The following WWOX variants were observed in gnomAD, a reference collection of about 807,000 sequenced individuals.
The protein encoded by WWOX is WW domain-containing oxidoreductase.
WWOX carries 69 observed loss-of-function variants against 46.2 expected under a neutral mutation model. The observed-to-expected ratio is 1.49, with a 90% CI of 1.23 to 1.82. WWOX has a LOEUF of 1.82. Ranked by LOEUF, WWOX falls within the 40% of genes most tolerant of loss-of-function variation. The pLI, the probability that WWOX is intolerant of heterozygous loss-of-function variation, is 0.00. For synonymous variants in WWOX, 359 were observed against 202.6 expected (o/e 1.77, Z -6.56); for missense variants, 919 against 542.6 (o/e 1.69, Z -6.89).
chr16:78,322,328 C>G (rs1302743120), intron 5 of WWOX, among the ~76,000 whole-genome samples: 1 of 152,090 alleles, frequency 6.6e-6, no homozygotes, highest in African/African-American at 2.4e-5. Context: ...CTTTGACTCC[C>G]TTTGTAATGT....
In WWOX at chr16:79,211,687, G is replaced by A. The variant is rs1485008584; in HGVS notation, c.1136G>A (p.Cys379Tyr). Residue 379 changes from cysteine (C) to tyrosine (Y), a missense_variant, in exon 9 of 9, where the codon TGC (cysteine) becomes TAC (tyrosine). Cys to Tyr is a radical substitution (Grantham distance 194). Coordinates refer to ENST00000566780, the MANE Select transcript of WWOX (RefSeq NM_016373.4). ...CTGGGAGGGATGTACTTCAACAACTGCTGCCGCTGCATGCCCTCACCAGAA... is the reference window on the plus strand; with the variant it reads ...CTGGGAGGGATGTACTTCAACAACTACTGCCGCTGCATGCCCTCACCAGAA... The part of the protein sequence containing the change: ...EGLGGMYFNN[C>Y]CRCMPSPEAQ... 1 of 1,614,210 alleles carries A rather than the reference G, an allele frequency of 6.2e-7. No homozygotes were observed. Among genetic ancestry groups the A allele is most frequent in the Admixed American group, 1.7e-5 (1 of 60,032 alleles).
At chr16:78,496,101 A>G (rs966018564) in intron 8 of WWOX, 3 of 152,046 alleles carry the variant, frequency 2.0e-5, no homozygotes, top group African/African-American at 4.8e-5. Context: ...ACCTGGTACT[A>G]TTTGGCTTTA....
At chr16:78,721,936 C>G (rs1232537832) in intron 8 of WWOX, among the ~76,000 whole-genome samples, 2 of 152,232 alleles carry the variant, frequency 1.3e-5, no homozygotes, top group East Asian at 1.9e-4. Context: ...GTAAATGTGA[C>G]TTTCCTTTGC....
intron 8 of WWOX, among the ~76,000 whole-genome samples, chr16:78,595,596 T>C (rs1186593836): frequency 1.3e-5 from 2 of 152,194 alleles, no homozygotes; most frequent in African/African-American, 2.4e-5. Flanking sequence ...GTCCTTAAGA[T>C]AGGGCAGGCA....
In WWOX at chr16:78,099,745, G is replaced by T. The variant is rs544250661; in HGVS notation, c.-34G>T. On this transcript the variant is annotated 5_prime_UTR_variant, in exon 1 of 9. Coordinates refer to ENST00000566780, the MANE Select transcript of WWOX (RefSeq NM_016373.4). ...CCTGAGCGAGTGGACCCGGCAGCGG[G>T]CGATAGGGGGGCCAGGTGCCTCCAC... 5.3e-6 allele frequency: 8 copies of T among 1,520,644 alleles called. No individual in the cohort carries two copies. In the East Asian group the frequency reaches 2.0e-4, roughly 39 times the overall value. The allele number at this position is 1,520,644 out of a possible 1,614,324, so 94.2% of individuals were successfully genotyped here.
chr16:78,416,689 A>C (rs780968726), intron 6 of WWOX, among the ~76,000 whole-genome samples: 1 of 152,152 alleles, frequency 6.6e-6, no homozygotes, highest in Non-Finnish European at 1.5e-5. Flanking sequence ...TAAAATTCCC[A>C]ATGTCCAGGC....
At chr16:78,176,639 C>T (rs902204207) in intron 5 of WWOX, among the ~76,000 whole-genome samples, 3 of 152,128 alleles carry the variant, frequency 2.0e-5, no homozygotes, top group African/African-American at 7.2e-5. Flanking sequence ...TTTGACAGCC[C>T]TTCAGATTTA....
At position 78,314,396 on chromosome 16, in the gene WWOX, ACT is replaced by A. The variant is rs553866417; in HGVS notation, c.517-72461_517-72460del. Among the ~76,000 whole-genome samples the A allele has an allele frequency of 7.6e-3, 886 of 116,196 alleles. 7 individuals carry two copies. The highest frequency in any genetic ancestry group is 0.034 in the South Asian group (104 of 3,060). The allele number at this position is 116,196 out of a possible 152,430, so 76.2% of individuals were successfully genotyped here. A position where few individuals can be genotyped will look rare whatever the true frequency, so the allele number is the denominator to read the frequency against. On this transcript the variant is annotated intron_variant, in intron 5 of 8. Coordinates refer to ENST00000566780, the MANE Select transcript of WWOX (RefSeq NM_016373.4). ...ACTCCAGCCTGAGCAACAGAGTGAGACTCTGTCTCAAAAAAAAAAAAAAAAAA... is the reference window on the plus strand; with the variant it reads ...ACTCCAGCCTGAGCAACAGAGTGAGACTGTCTCAAAAAAAAAAAAAAAAAA...
At chr16:79,167,877 C>A (rs1348242808) in intron 8 of WWOX, among the ~76,000 whole-genome samples, 1 of 152,188 alleles carries the variant, frequency 6.6e-6, no homozygotes. Context: ...GAAAAGCATA[C>A]ACATAAAGTC....
At chr16:78,436,198 G>T (rs1405035522) in intron 8 of WWOX, among the ~76,000 whole-genome samples, 1 of 152,164 alleles carries the variant, frequency 6.6e-6, no homozygotes, top group Non-Finnish European at 1.5e-5. Flanking sequence ...TCTCCAAAAT[G>T]TAATCTCTGC....
intron 8 of WWOX, among the ~76,000 whole-genome samples, chr16:78,904,397 C>T (rs552736385): frequency 6.6e-6 from 1 of 151,914 alleles, no homozygotes; most frequent in African/African-American, 2.4e-5. Context: ...CACCACTGCG[C>T]CCAGCTAATT....
intron 8 of WWOX, among the ~76,000 whole-genome samples, chr16:78,715,928 T>C (rs1037732436): frequency 3.3e-5 from 5 of 152,096 alleles, no homozygotes; most frequent in Non-Finnish European, 7.4e-5. Context: ...GGTAGAGCCT[T>C]GGGAAGGGCT....
At chr16:78,144,471 A>ATATATATATATATAAG in intron 4 of WWOX, among the ~76,000 whole-genome samples, 1 of 33,586 alleles carries the variant, frequency 3.0e-5, no homozygotes, top group Non-Finnish European at 5.0e-5. Flanking sequence ...ATACACACAT[A>ATATATATATATATAAG]TATATATATA....
intron 5 of WWOX, among the ~76,000 whole-genome samples, chr16:78,319,999 C>CT (rs1207630753): frequency 2.6e-5 from 4 of 152,176 alleles, no homozygotes; most frequent in Non-Finnish European, 5.9e-5. Context: ...CTCATTATAT[C>CT]TTTTAACTTT....
intron 4 of WWOX, among the ~76,000 whole-genome samples, chr16:78,147,588 C>G (rs139494778): frequency 2.7e-5 from 4 of 149,714 alleles, no homozygotes; most frequent in East Asian, 3.9e-4. Context: ...AGACTTTAGT[C>G]TTTTCAAGAG....
At chr16:78,998,704 T>C (rs934576888) in intron 8 of WWOX, among the ~76,000 whole-genome samples, 4 of 152,260 alleles carry the variant, frequency 2.6e-5, no homozygotes, top group South Asian at 2.1e-4. Context: ...TCTTTCATTA[T>C]CGTTATTAAC....
intron 8 of WWOX, among the ~76,000 whole-genome samples, chr16:78,480,808 T>C (rs1056450376): frequency 8.5e-5 from 13 of 152,212 alleles, no homozygotes; most frequent in African/African-American, 3.1e-4. Context: ...TGAAATGTAT[T>C]GTAGTTTTGC....
At chr16:78,567,420 G>T (rs537790082) in intron 8 of WWOX, among the ~76,000 whole-genome samples, 10 of 151,744 alleles carry the variant, frequency 6.6e-5, no homozygotes, top group Admixed American at 6.6e-4. Context: ...CGGCGTGGTG[G>T]CGGGTGCCTG....
chr16:78,724,811 G>T (rs1381877409), intron 8 of WWOX, among the ~76,000 whole-genome samples: 1 of 152,208 alleles, frequency 6.6e-6, no homozygotes, highest in Non-Finnish European at 1.5e-5. Context: ...GTGTGTGTGT[G>T]TGTAGTTTTT....
Sources: allele counts gnomAD v4.1 joint callset (sites outside exome capture counted in the v4.1 genomes callset), GRCh38; gene constraint gnomAD v4.1.1; transcripts MANE v1.5; gene names NCBI Gene and HGNC (gene_info 2026-07-23, HGNC 2026-07-21).